Variants in ATP10A observed in about 807,000 individuals in gnomAD.
The protein encoded by ATP10A is phospholipid-transporting ATPase VA.
Under a neutral mutation model 147.8 loss-of-function variants are expected in ATP10A, and 111 were observed. The ratio of observed to expected loss-of-function variants is 0.75; its 90% confidence interval spans 0.64 to 0.88. ATP10A has a LOEUF of 0.88. Ranked by LOEUF, ATP10A falls within the 40% of genes least tolerant of loss-of-function variation. The pLI is 0.00. For missense variants in ATP10A, 1,927 were observed against 1,959.0 expected, an observed-to-expected ratio of 0.98 and a Z score of 0.31; for synonymous variants, 875 against 841.6, an observed-to-expected ratio of 1.04 and a Z score of -0.69.
At chr15:25,773,971 C>T (rs1467715131) in intron 2 of ATP10A, among the ~76,000 whole-genome samples, 1 of 152,052 alleles carries the variant, frequency 6.6e-6, no homozygotes, top group Non-Finnish European at 1.5e-5. Context: ...GAGGAAGTTT[C>T]AAACCCTTTG....
At chr15:25,753,855 T>C (rs1164703359) in intron 2 of ATP10A, among the ~76,000 whole-genome samples, 2 of 151,538 alleles carry the variant, frequency 1.3e-5, no homozygotes, top group Non-Finnish European at 2.9e-5. Flanking sequence ...GAGCTTACTA[T>C]AACCTTGACC....
intron 8 of ATP10A, among the ~76,000 whole-genome samples, chr15:25,717,780 T>C (rs1901913205): frequency 6.6e-6 from 1 of 152,238 alleles, no homozygotes; most frequent in Admixed American, 6.5e-5. Flanking sequence ...CATTAATGTC[T>C]GGGCGGCTGA....
At chr15:25,831,175 G>A (rs192546721) in intron 1 of ATP10A, among the ~76,000 whole-genome samples, 82 of 152,302 alleles carry the variant, frequency 5.4e-4, no homozygotes, top group Admixed American at 3.1e-3. Flanking sequence ...GTCTAGGACC[G>A]CTGCCCATAC....
At chr15:25,684,167 T>G (rs988098491) in intron 16 of ATP10A, 1 of 152,218 alleles carries the variant, frequency 6.6e-6, no homozygotes, top group Non-Finnish European at 1.5e-5. Context: ...AAAGTGAGAT[T>G]CAGGGAGGTG....
chr15:25,723,821 C>G (rs979285573), intron 6 of ATP10A, 70 bp downstream of exon 6: 3 of 1,334,728 alleles, frequency 2.2e-6, no homozygotes, highest in South Asian at 3.7e-5. Flanking sequence ...AAATTCTGAA[C>G]AGAGTATGAT....
intron 2 of ATP10A, among the ~76,000 whole-genome samples, chr15:25,772,418 C>T (rs1889385366): frequency 6.6e-6 from 1 of 152,138 alleles, no homozygotes; most frequent in East Asian, 1.9e-4. Context: ...CTCAAAATCC[C>T]CGAGAGGGGT....
intron 7 of ATP10A, among the ~76,000 whole-genome samples, chr15:25,720,497 CT>C (rs886344776): frequency 4.6e-5 from 7 of 152,218 alleles, no homozygotes; most frequent in African/African-American, 1.7e-4. Flanking sequence ...CAGGACTCTG[CT>C]GAGTTCTGTT....
chr15:25,825,005 A>C (rs1892058381), intron 1 of ATP10A, among the ~76,000 whole-genome samples: 2 of 152,128 alleles, frequency 1.3e-5, no homozygotes, highest in South Asian at 4.1e-4. Flanking sequence ...TGATAGAACG[A>C]CACCTTCACT....
intron 1 of ATP10A, among the ~76,000 whole-genome samples, chr15:25,821,813 T>C (rs1051042760): frequency 2.6e-5 from 4 of 152,312 alleles, no homozygotes; most frequent in Middle Eastern, 3.4e-3. Context: ...CTATGCCAAA[T>C]TGGTAACAGC....
intron 14 of ATP10A, among the ~76,000 whole-genome samples, chr15:25,692,276 T>C (rs2140312196): frequency 6.6e-6 from 1 of 152,334 alleles, no homozygotes; most frequent in African/African-American, 2.4e-5. Context: ...TTAGCCATTG[T>C]GCTCACTTTG....
chr15:25,852,547 A>C (rs1893343115), intron 1 of ATP10A, among the ~76,000 whole-genome samples: 1 of 138,696 alleles, frequency 7.2e-6, no homozygotes, highest in East Asian at 2.2e-4. Flanking sequence ...CCCAAAGCCC[A>C]AGATGAACTC....
At chr15:25,721,110 C>T (rs867185279) in intron 7 of ATP10A, among the ~76,000 whole-genome samples, 1 of 152,082 alleles carries the variant, frequency 6.6e-6, no homozygotes, top group African/African-American at 2.4e-5. Flanking sequence ...GGTGTCTCCC[C>T]AGAGACACCA....
chr15:25,756,410 G>A (rs1388553930), intron 2 of ATP10A, among the ~76,000 whole-genome samples: 3 of 152,186 alleles, frequency 2.0e-5, no homozygotes, highest in Non-Finnish European at 2.9e-5. Context: ...TTGGGAGGCC[G>A]AGGCGAGCGG....
chr15:25,796,102 T>C (rs1444028521), intron 1 of ATP10A, among the ~76,000 whole-genome samples: 1 of 152,172 alleles, frequency 6.6e-6, no homozygotes, highest in Non-Finnish European at 1.5e-5. Flanking sequence ...CAAATATTCC[T>C]TTATAGCAAC....
chr15:25,745,446 G>A (rs1887798598), intron 2 of ATP10A, among the ~76,000 whole-genome samples: 1 of 151,996 alleles, frequency 6.6e-6, no homozygotes, highest in African/African-American at 2.4e-5. Flanking sequence ...AGGAGGCCAA[G>A]CACAGTGGCT....
At chr15:25,712,326 C>T (rs1353462218) in intron 10 of ATP10A, among the ~76,000 whole-genome samples, 1 of 152,202 alleles carries the variant, frequency 6.6e-6, no homozygotes, top group African/African-American at 2.4e-5. Flanking sequence ...CCAGCAAAGA[C>T]AAGCCCGGCA....
intron 1 of ATP10A, among the ~76,000 whole-genome samples, chr15:25,799,051 C>A (rs769223070): frequency 6.6e-6 from 1 of 152,226 alleles, no homozygotes; most frequent in Non-Finnish European, 1.5e-5. Context: ...TTCCTCTTCC[C>A]ATGCCTGCTT....
intron 10 of ATP10A, chr15:25,709,964 A>G (rs1901299801): frequency 2.0e-5 from 3 of 152,230 alleles, no homozygotes; most frequent in African/African-American, 7.2e-5. Flanking sequence ...ACCATCACCG[A>G]GGAGCTGGGG....
intron 1 of ATP10A, among the ~76,000 whole-genome samples, chr15:25,784,752 A>C (rs1174666340): frequency 6.6e-6 from 1 of 152,044 alleles, no homozygotes; most frequent in Non-Finnish European, 1.5e-5. Flanking sequence ...AAGAAACCCC[A>C]TCTCACTAAA....
Sources: gnomAD v4.1 joint callset for allele counts (sites outside exome capture counted in the v4.1 genomes callset) on GRCh38, gnomAD v4.1.1 for gene constraint, MANE v1.5 for transcripts, NCBI Gene and HGNC (gene_info 2026-07-23, HGNC 2026-07-21) for gene names.